The following DCAF17 variants were observed in gnomAD, a reference collection of about 807,000 sequenced individuals.
DCAF17 encodes the protein DDB1- and CUL4-associated factor 17.
Under a neutral mutation model 66.0 loss-of-function variants are expected in DCAF17, and 48 were observed. The ratio of observed to expected loss-of-function variants is 0.73; its 90% CI spans 0.58 to 0.92. DCAF17 has a LOEUF of 0.92. Among genes scored for constraint, DCAF17 ranks in the 40% least tolerant of loss-of-function variants. The pLI is 0.00. For synonymous variants in DCAF17, 206 were observed against 214.6 expected (o/e 0.96, Z 0.35); for missense variants, 562 against 622.8 (o/e 0.90, Z 1.04).
At chr2:171,459,616 A>G (rs1574365951) in intron 8 of DCAF17, among the ~76,000 whole-genome samples, 1 of 152,338 alleles carries the variant, frequency 6.6e-6, no homozygotes, top group East Asian at 1.9e-4. Flanking sequence ...ATTTTCTAAT[A>G]TATGCAGAAT....
intron 6 of DCAF17, among the ~76,000 whole-genome samples, chr2:171,455,679 T>C (rs908184135): frequency 2.6e-5 from 4 of 152,220 alleles, no homozygotes; most frequent in Non-Finnish European, 4.4e-5. Context: ...GCATCTGTTA[T>C]TTTTTGACTT....
At chr2:171,465,103 C>T (rs1695818645) in intron 8 of DCAF17, among the ~76,000 whole-genome samples, 1 of 151,706 alleles carries the variant, frequency 6.6e-6, no homozygotes, top group Admixed American at 6.6e-5. Context: ...GAGGCTGAGG[C>T]AGGAGAATCG....
intron 5 of DCAF17, among the ~76,000 whole-genome samples, chr2:171,451,608 G>T (rs1345313498): frequency 6.6e-6 from 1 of 152,148 alleles, no homozygotes; most frequent in African/African-American, 2.4e-5. Context: ...ACGGAGTCTC[G>T]CTTTGTTGCC....
At chr2:171,461,090 ATT>A (rs1340425175) in intron 8 of DCAF17, among the ~76,000 whole-genome samples, 2 of 152,194 alleles carry the variant, frequency 1.3e-5, no homozygotes, top group African/African-American at 2.4e-5. Context: ...AATAGTATTT[ATT>A]TTAACTTTAA....
At chr2:171,455,903 T>C (rs1444442064) in intron 6 of DCAF17, among the ~76,000 whole-genome samples, 1 of 152,202 alleles carries the variant, frequency 6.6e-6, no homozygotes, top group Non-Finnish European at 1.5e-5. Context: ...TTTTAGATTC[T>C]GGATATTAGA....
intron 9 of DCAF17, among the ~76,000 whole-genome samples, chr2:171,470,134 C>A (rs1559286177): frequency 6.6e-6 from 1 of 152,192 alleles, no homozygotes; most frequent in Non-Finnish European, 1.5e-5. Flanking sequence ...AGTGATCCTC[C>A]CACCTCAGCC....
At chr2:171,469,394 AC>A in intron 9 of DCAF17, among the ~76,000 whole-genome samples, 1 of 152,284 alleles carries the variant, frequency 6.6e-6, no homozygotes, top group South Asian at 2.1e-4. Context: ...CTGCTTCTCC[AC>A]GGCTTGTTGC....
intron 8 of DCAF17, among the ~76,000 whole-genome samples, chr2:171,459,182 C>T (rs1258865485): frequency 6.6e-6 from 1 of 152,126 alleles, no homozygotes; most frequent in African/African-American, 2.4e-5. Flanking sequence ...GTGGCACATG[C>T]CTGTAATCCC....
chr2:171,457,595 C>A (rs1485863880), intron 6 of DCAF17, among the ~76,000 whole-genome samples: 1 of 152,122 alleles, frequency 6.6e-6, no homozygotes, highest in East Asian at 1.9e-4. Flanking sequence ...AGAATTGATC[C>A]TTGGAAGAGT....
intron 6 of DCAF17, among the ~76,000 whole-genome samples, chr2:171,454,721 G>A (rs745454200): frequency 7.4e-4 from 112 of 151,622 alleles, no homozygotes; most frequent in Non-Finnish European, 1.3e-3. Flanking sequence ...ACATGGTGAA[G>A]CCCCGTCTCT....
chr2:171,478,933 G>C lies in DCAF17; in HGVS notation c.1266+863G>C, dbSNP rs765263586. On this transcript the variant is annotated intron_variant, in intron 12 of 13. Coordinates refer to ENST00000375255, the MANE Select transcript of DCAF17 (RefSeq NM_025000.4). ...CCAAAAGGTAGCATAATTCATTAAGGGGGGAGAGGTGGTGGCAAAACAGGA... is the reference window on the plus strand; with the variant it reads ...CCAAAAGGTAGCATAATTCATTAAGCGGGGAGAGGTGGTGGCAAAACAGGA... Among the ~76,000 whole-genome samples, 12 of 152,148 alleles carry C rather than the reference G, an allele frequency of 7.9e-5. No homozygotes were observed. The South Asian group carries it at 8.3e-4, about 10-fold the overall frequency.
At chr2:171,446,655 T>C (rs1284129264) in intron 3 of DCAF17, among the ~76,000 whole-genome samples, 1 of 152,140 alleles carries the variant, frequency 6.6e-6, no homozygotes, top group Non-Finnish European at 1.5e-5. Context: ...TCTTAATATC[T>C]CAGGGTTCTT....
At chr2:171,467,971 A>G (rs1281650333) in intron 8 of DCAF17, among the ~76,000 whole-genome samples, 1 of 152,256 alleles carries the variant, frequency 6.6e-6, no homozygotes, top group African/African-American at 2.4e-5. Context: ...TAGTGGCCTC[A>G]TAAACTAAAA....
At chr2:171,450,013 T>G in intron 5 of DCAF17, 56 bp downstream of exon 5, 1 of 1,405,090 alleles carries the variant, frequency 7.1e-7, no homozygotes, top group Non-Finnish European at 1.0e-6. Flanking sequence ...GGAATTTGTC[T>G]GCAGATTTGT....
intron 8 of DCAF17, among the ~76,000 whole-genome samples, chr2:171,460,786 T>G (rs1302900431): frequency 6.6e-6 from 1 of 152,128 alleles, no homozygotes; most frequent in Non-Finnish European, 1.5e-5. Flanking sequence ...TCTGCCTACC[T>G]CATCCGCCCA....
chr2:171,434,280 C>G lies in DCAF17; in HGVS notation c.-298C>G. 1.1e-5 allele frequency: 6 copies of G among 554,510 alleles called. No individual in the cohort carries two copies. The highest frequency in any genetic ancestry group is 9.2e-5 in the South Asian group (6 of 65,144). The allele number at this position is 554,510 out of a possible 1,614,324, so 34.3% of individuals were successfully genotyped here. On this transcript the variant is annotated 5_prime_UTR_variant, in exon 1 of 14. Transcript: ENST00000375255. The stretch of plus-strand genomic sequence containing the variant: ...GGAACTACATTTCCCGGTGAGAGAG[C>G]GGCTCCGGCCGGCCGCGCGGTACCG...
intron 3 of DCAF17, among the ~76,000 whole-genome samples, 168 bp from the exon 4 acceptor site, chr2:171,448,513 C>T (rs942323206): frequency 6.6e-6 from 1 of 152,094 alleles, no homozygotes; most frequent in African/African-American, 2.4e-5. Flanking sequence ...AATAATTACC[C>T]ACAATCTTAT....
At chr2:171,452,176 A>C (rs2105759354) in intron 5 of DCAF17, among the ~76,000 whole-genome samples, 1 of 152,280 alleles carries the variant, frequency 6.6e-6, no homozygotes, top group East Asian at 1.9e-4. Context: ...ACTTTTAGTT[A>C]TAGCAGTTTT....
chr2:171,463,067 C>T (rs1695679683), intron 8 of DCAF17, among the ~76,000 whole-genome samples: 1 of 151,886 alleles, frequency 6.6e-6, no homozygotes, highest in South Asian at 2.1e-4. Context: ...CCTGTCTCTA[C>T]TAAAAATACA....
Sources: gnomAD v4.1 joint callset for allele counts (sites outside exome capture counted in the v4.1 genomes callset) on GRCh38, gnomAD v4.1.1 for gene constraint, MANE v1.5 for transcripts, NCBI Gene and HGNC (gene_info 2026-07-23, HGNC 2026-07-21) for gene names.